Variants in IQCJ observed in about 807,000 individuals in gnomAD.
The protein encoded by IQCJ is IQ domain-containing protein J.
IQCJ carries 9 observed loss-of-function variants against 11.0 expected under a neutral mutation model. The ratio of observed to expected loss-of-function variants is 0.82; its 90% CI spans 0.49 to 1.43. The LOEUF is 1.43. IQCJ is among the 40% of genes most tolerant of loss of function. The pLI, the probability that IQCJ is intolerant of heterozygous loss-of-function variation, is 0.00. For missense variants in IQCJ, 146 were observed against 133.2 expected, an observed-to-expected ratio of 1.10 and a Z score of -0.47; for synonymous variants, 55 against 51.3, an observed-to-expected ratio of 1.07 and a Z score of -0.31.
intron 1 of IQCJ, among the ~76,000 whole-genome samples, chr3:159,245,433 C>G (rs1727203274): frequency 6.8e-6 from 1 of 147,164 alleles, no homozygotes. Context: ...TGTTTAAACA[C>G]TTAACCATCA....
At chr3:159,236,106 A>G (rs1417887401) in intron 1 of IQCJ, among the ~76,000 whole-genome samples, 3 of 152,124 alleles carry the variant, frequency 2.0e-5, no homozygotes, top group Non-Finnish European at 4.4e-5. Context: ...ACTTAACTGA[A>G]TGAATCCTTT....
chr3:159,152,790 A>G (rs1437379384), intron 1 of IQCJ, among the ~76,000 whole-genome samples: 1 of 152,240 alleles, frequency 6.6e-6, no homozygotes, highest in South Asian at 2.1e-4. Context: ...AAATGTAACA[A>G]TAGATTCAGT....
At chr3:159,152,628 T>C (rs1167968580) in intron 1 of IQCJ, among the ~76,000 whole-genome samples, 2 of 152,256 alleles carry the variant, frequency 1.3e-5, no homozygotes, top group African/African-American at 4.8e-5. Context: ...GAATTAATTC[T>C]GTGAACAATC....
At chr3:159,161,698 A>G (rs1449485226) in intron 1 of IQCJ, among the ~76,000 whole-genome samples, 2 of 152,206 alleles carry the variant, frequency 1.3e-5, no homozygotes, top group Non-Finnish European at 1.5e-5. Flanking sequence ...ATCTTGAATT[A>G]ATTTTTGTAT....
chr3:159,264,174 C>A (rs552289299), downstream of IQCJ, among the ~76,000 whole-genome samples: 3 of 152,286 alleles, frequency 2.0e-5, no homozygotes, highest in South Asian at 2.1e-4. Flanking sequence ...CCCCAATTCA[C>A]GACAATTCTC....
intron 1 of IQCJ, among the ~76,000 whole-genome samples, chr3:159,235,182 G>A (rs1039397573): frequency 1.3e-5 from 2 of 151,880 alleles, no homozygotes; most frequent in Non-Finnish European, 2.9e-5. Flanking sequence ...TACATGAAAT[G>A]TAAAAATATC....
At chr3:159,251,222 A>T (rs1727579504) in intron 2 of IQCJ, among the ~76,000 whole-genome samples, 1 of 152,056 alleles carries the variant, frequency 6.6e-6, no homozygotes, top group South Asian at 2.1e-4. Context: ...AAAAGAAAAA[A>T]ATACATTTGT....
chr3:159,233,075 T>C (rs1029796912), intron 1 of IQCJ, among the ~76,000 whole-genome samples: 2 of 152,224 alleles, frequency 1.3e-5, no homozygotes, highest in African/African-American at 2.4e-5. Context: ...ACTAACCTTT[T>C]CTTTCTTTTT....
intron 1 of IQCJ, among the ~76,000 whole-genome samples, chr3:159,157,195 G>A (rs144197769): frequency 3.9e-5 from 6 of 152,216 alleles, no homozygotes; most frequent in African/African-American, 9.6e-5. Flanking sequence ...AAGGGTTGTT[G>A]TCCAGGGAAG....
intron 1 of IQCJ, among the ~76,000 whole-genome samples, chr3:159,241,975 A>G (rs1726949587): frequency 6.6e-6 from 1 of 152,222 alleles, no homozygotes; most frequent in African/African-American, 2.4e-5. Context: ...AGAAGGCAGT[A>G]TTTGAGCAAA....
At chr3:159,074,330 G>T (rs1367262724) in intron 1 of IQCJ, among the ~76,000 whole-genome samples, 1 of 152,010 alleles carries the variant, frequency 6.6e-6, no homozygotes, top group Non-Finnish European at 1.5e-5. Context: ...AAAATATGAA[G>T]TAAGGATAAA....
intron 1 of IQCJ, among the ~76,000 whole-genome samples, chr3:159,124,455 A>G (rs1349869995): frequency 1.3e-5 from 2 of 151,894 alleles, no homozygotes; most frequent in Non-Finnish European, 2.9e-5. Flanking sequence ...TGCCCTCCTC[A>G]TGGTTGTTTC....
chr3:159,091,894 T>C (rs1025132863), intron 1 of IQCJ, among the ~76,000 whole-genome samples: 4 of 151,368 alleles, frequency 2.6e-5, no homozygotes, highest in African/African-American at 9.8e-5. Flanking sequence ...TTCATAGAAT[T>C]TCAGCTAATA....
At chr3:159,134,093 G>A (rs1037792910) in intron 1 of IQCJ, among the ~76,000 whole-genome samples, 13 of 151,990 alleles carry the variant, frequency 8.6e-5, no homozygotes, top group African/African-American at 2.9e-4. Context: ...ACAGCTAGAG[G>A]CTGCTCTTTG....
At chr3:159,095,133 A>C (rs1234132959) in intron 1 of IQCJ, among the ~76,000 whole-genome samples, 1 of 151,852 alleles carries the variant, frequency 6.6e-6, no homozygotes, top group Non-Finnish European at 1.5e-5. Flanking sequence ...CTTGCCAATC[A>C]ATTGCACAAT....
At chr3:159,255,954 G>A (rs1289976288) in intron 3 of IQCJ, among the ~76,000 whole-genome samples, 4 of 152,200 alleles carry the variant, frequency 2.6e-5, no homozygotes, top group Non-Finnish European at 5.9e-5. Context: ...CTTAAGGCTG[G>A]AACAAGCTTT....
rs1036143348 is a variant in IQCJ, at chr3:159,215,975, C to G, written c.10-29868C>G. On this transcript the variant is annotated intron_variant, in intron 1 of 3. Coordinates refer to ENST00000397832, the MANE Select transcript of IQCJ (RefSeq NM_001042706.3). ...ACTTACATTATATTAGGAAATGTCT[C>G]ACTAAGTGCATATGGAATAAATTTA... is the stretch of plus-strand genomic sequence containing the variant. Among the ~76,000 whole-genome samples the G allele has an allele frequency of 2.0e-5, 3 of 151,908 alleles. No individual in the cohort carries two copies. The East Asian group carries it at 5.8e-4, about 29-fold the overall frequency.
chr3:159,232,728 T>G (rs1726336603), intron 1 of IQCJ, among the ~76,000 whole-genome samples: 1 of 152,194 alleles, frequency 6.6e-6, no homozygotes, highest in Non-Finnish European at 1.5e-5. Context: ...TCTGTAGATG[T>G]CTGTTAGTTC....
At chr3:159,220,843 A>G (rs555726320) in intron 1 of IQCJ, among the ~76,000 whole-genome samples, 20 of 152,314 alleles carry the variant, frequency 1.3e-4, no homozygotes, top group African/African-American at 4.3e-4. Context: ...AAGAAAACAA[A>G]GTTACAGTTC....
Sources: gnomAD v4.1 joint callset for allele counts (sites outside exome capture counted in the v4.1 genomes callset) on GRCh38, gnomAD v4.1.1 for gene constraint, MANE v1.5 for transcripts, NCBI Gene and HGNC (gene_info 2026-07-23, HGNC 2026-07-21) for gene names.